The following SNX27 variants were observed in gnomAD, a reference collection of about 807,000 sequenced individuals.
SNX27 encodes sorting nexin 27.
A neutral mutation model predicts 71.6 loss-of-function variants in SNX27; 22 were observed. That is an observed-to-expected ratio of 0.31 (90% confidence interval 0.22 to 0.44). The LOEUF (loss-of-function observed/expected upper bound fraction) is 0.44, where lower values mean the gene tolerates loss of function less well. SNX27 is among the 20% of genes least tolerant of loss of function. The pLI is 1.00. For synonymous variants in SNX27, 269 were observed against 277.2 expected, an observed-to-expected ratio of 0.97 and a Z score of 0.29; for missense variants, 531 against 698.6, an observed-to-expected ratio of 0.76 and a Z score of 2.70.
intron 3 of SNX27, chr1:151,659,924 T>C (rs1253278613): frequency 1.3e-5 from 2 of 152,268 alleles, no homozygotes; most frequent in Non-Finnish European, 2.9e-5. Context: ...TTCTGTTTCC[T>C]TGTAACTAAC....
intron 2 of SNX27, among the ~76,000 whole-genome samples, chr1:151,644,651 G>A (rs1668951981): frequency 6.6e-6 from 1 of 152,122 alleles, no homozygotes; most frequent in African/African-American, 2.4e-5. Context: ...GAACTGCTGG[G>A]TCATATGGTA....
In SNX27 at chr1:151,692,406, CTTT is replaced by C. The variant is rs61159507; in HGVS notation, c.1240-5_1240-3del. On this transcript the variant is annotated intron_variant, in intron 8 of 11. Transcript: ENST00000458013. ...TAACCCTGTTTCCTGTTTCTCCTTCCTTTTTTTTTTTTTTTTTTTTTTTTTTAG... is the reference window on the plus strand; with the variant it reads ...TAACCCTGTTTCCTGTTTCTCCTTCCTTTTTTTTTTTTTTTTTTTTTTTAG... 10,199 of 846,022 alleles carry C rather than the reference CTTT, an allele frequency of 0.012. 13 individuals carry two copies. Among genetic ancestry groups the C allele is most frequent in the East Asian group, 0.05 (989 of 19,874 alleles). 52.4% of individuals were successfully genotyped at this position (846,022 alleles called of 1,614,324 possible). A position where few individuals can be genotyped will look rare whatever the true frequency, so the allele number is the denominator to read the frequency against.
At chr1:151,631,541 AT>A (rs1336655379) in intron 1 of SNX27, among the ~76,000 whole-genome samples, 1 of 152,216 alleles carries the variant, frequency 6.6e-6, no homozygotes, top group Non-Finnish European at 1.5e-5. Flanking sequence ...TATAGTTTTC[AT>A]AAATATTTTT....
intron 2 of SNX27, among the ~76,000 whole-genome samples, chr1:151,648,030 GA>G (rs1669133330): frequency 6.6e-6 from 1 of 151,842 alleles, no homozygotes; most frequent in African/African-American, 2.4e-5. Context: ...GCCTTTTAAA[GA>G]GTCGGGGTTT....
intron 7 of SNX27, among the ~76,000 whole-genome samples, chr1:151,673,610 C>G (rs1212874707): frequency 6.6e-6 from 1 of 152,156 alleles, no homozygotes; most frequent in Non-Finnish European, 1.5e-5. Context: ...CTGTCCAGTA[C>G]TGAAAGTTGG....
At chr1:151,643,770 C>T (rs1333188179) in intron 2 of SNX27, among the ~76,000 whole-genome samples, 1 of 152,090 alleles carries the variant, frequency 6.6e-6, no homozygotes, top group Non-Finnish European at 1.5e-5. Flanking sequence ...AAGCAATTCT[C>T]CTGCCTCAGC....
At chr1:151,631,598 A>G (rs1385133584) in intron 1 of SNX27, among the ~76,000 whole-genome samples, 2 of 152,246 alleles carry the variant, frequency 1.3e-5, no homozygotes, top group African/African-American at 4.8e-5. Context: ...GTGTCTTTAA[A>G]GGTTTCTCTA....
intron 7 of SNX27, chr1:151,679,494 C>T (rs546638268): frequency 2.6e-5 from 4 of 152,172 alleles, no homozygotes; most frequent in African/African-American, 9.6e-5. Context: ...TTTTAAAAAG[C>T]GTAAACTTGC....
At chr1:151,671,431 G>T (rs980707343) in intron 7 of SNX27, among the ~76,000 whole-genome samples, 1 of 151,678 alleles carries the variant, frequency 6.6e-6, no homozygotes, top group Non-Finnish European at 1.5e-5. Context: ...AGAGGTGGGG[G>T]GTCTTGCTGT....
At chr1:151,645,876 G>A (rs1222921234) in intron 2 of SNX27, among the ~76,000 whole-genome samples, 1 of 152,210 alleles carries the variant, frequency 6.6e-6, no homozygotes. Flanking sequence ...CTTTTAGTGT[G>A]TAATTCAGAC....
At chr1:151,630,173 T>G (rs1053492657) in intron 1 of SNX27, among the ~76,000 whole-genome samples, 1 of 152,074 alleles carries the variant, frequency 6.6e-6, no homozygotes, top group African/African-American at 2.4e-5. Context: ...GAAGAAATAC[T>G]TGAGAGTGTT....
intron 2 of SNX27, among the ~76,000 whole-genome samples, chr1:151,643,742 C>T (rs1249799474): frequency 6.6e-6 from 1 of 152,052 alleles, no homozygotes; most frequent in East Asian, 1.9e-4. Context: ...CTCACCGCAA[C>T]GTCTGCCTCC....
At chr1:151,693,757 C>A in intron 11 of SNX27, 1 of 1,520,656 alleles carries the variant, frequency 6.6e-7, no homozygotes, top group South Asian at 1.3e-5. Flanking sequence ...TTCATGGACC[C>A]TCCTCTGCCA....
chr1:151,642,061 C>T (rs1164073154), intron 2 of SNX27, among the ~76,000 whole-genome samples: 2 of 147,834 alleles, frequency 1.4e-5, no homozygotes, highest in South Asian at 2.1e-4. Flanking sequence ...ATATATTTTC[C>T]AGTAGCTTGA....
chr1:151,674,654 C>T (rs1264983689), intron 7 of SNX27, among the ~76,000 whole-genome samples: 2 of 151,524 alleles, frequency 1.3e-5, no homozygotes, highest in Admixed American at 1.3e-4. Flanking sequence ...CATCTGGTTC[C>T]AGGGAATAAA....
At position 151,639,103 on chromosome 1, in the gene SNX27, A is replaced by G. The variant is rs377039099; in HGVS notation, c.527A>G (p.Asn176Ser). Residue 176 changes from asparagine (N) to serine (S), a missense_variant, in exon 2 of 12, where the codon AAT (asparagine) becomes AGT (serine). Around this residue, in one of 5 missense-constraint regions of SNX27, gnomAD observed 184 missense variants for 289.6 expected, o/e 0.64. Coordinates refer to ENST00000458013, the MANE Select transcript of SNX27 (RefSeq NM_001330723.2). ...SVPRYKHVEQ[N>S]GEKFVVYNVY... ...CCCAGATACAAACATGTGGAGCAGA[A>G]TGGTGAGAAGTTTGTGGTGAGTGTC... is the stretch of plus-strand genomic sequence containing the variant. The G allele has an allele frequency of 2.5e-6, 4 of 1,613,748 alleles. No homozygotes were observed. Among genetic ancestry groups the G allele is most frequent in the African/African-American group, 2.7e-5 (2 of 74,924 alleles).
chr1:151,665,375 G>A (rs534190587), intron 5 of SNX27, among the ~76,000 whole-genome samples: 29 of 152,236 alleles, frequency 1.9e-4, no homozygotes, highest in African/African-American at 6.7e-4. Context: ...GGAAATGGAG[G>A]TGCCTAATGA....
intron 2 of SNX27, among the ~76,000 whole-genome samples, chr1:151,651,353 G>GAT (rs1334947214): frequency 6.6e-6 from 1 of 151,182 alleles, no homozygotes; most frequent in African/African-American, 2.4e-5. Flanking sequence ...CTCCCTCCCG[G>GAT]ATGGGGCGGC....
intron 2 of SNX27, among the ~76,000 whole-genome samples, chr1:151,641,678 A>G (rs12028826): frequency 1.2e-4 from 16 of 137,220 alleles, no homozygotes; most frequent in East Asian, 1.1e-3. Context: ...TATATCATAT[A>G]TATCTGATAT....
Sources: gnomAD v4.1 joint callset for allele counts (sites outside exome capture counted in the v4.1 genomes callset) on GRCh38, gnomAD v4.1.1 for gene constraint, gnomAD v4.1.1 regional missense constraint, MANE v1.5 for transcripts, NCBI Gene and HGNC (gene_info 2026-07-23, HGNC 2026-07-21) for gene names.